Variants in DSP observed in about 807,000 individuals in gnomAD.
The protein encoded by DSP is desmoplakin.
DSP carries 114 observed loss-of-function variants against 290.6 expected under a neutral mutation model. That is an observed-to-expected ratio of 0.39 (90% CI 0.34 to 0.46). The LOEUF is 0.46. Ranked by LOEUF, DSP falls within the 20% of genes least tolerant of loss-of-function variation. The pLI, the probability that DSP is intolerant of heterozygous loss-of-function variation, is 0.99. For missense variants in DSP, 3,230 were observed against 3,495.8 expected (o/e 0.92, Z 1.92); for synonymous variants, 1,311 against 1,316.4 (o/e 1.00, Z 0.09).
Position 7,565,309 on chromosome 6 carries a change from C to G in DSP, c.778-50C>G. 1 of 1,597,466 alleles carries G rather than the reference C, an allele frequency of 6.3e-7. No homozygotes were observed. Among genetic ancestry groups the G allele is most frequent in the Non-Finnish European group, 8.6e-7 (1 of 1,166,466 alleles). On this transcript the variant is annotated intron_variant, in intron 6 of 23. Transcript: ENST00000379802. The surrounding 1 kb of genome is among the most constrained non-coding windows in gnomAD (Gnocchi z 4.2). Reference sequence around the variant, plus strand: ...TAATCTTTAAACCTGCAGAGAACACCAGTCACTGCATATTGTTATTTTAAT... The same window carrying G: ...TAATCTTTAAACCTGCAGAGAACACGAGTCACTGCATATTGTTATTTTAAT...
chr6:7,572,714 A>G (rs1759092397), intron 15 of DSP, among the ~76,000 whole-genome samples: 1 of 152,220 alleles, frequency 6.6e-6, no homozygotes, highest in South Asian at 2.1e-4. Context: ...TGTGATCAGT[A>G]TGCCAAAATT....
At chr6:7,562,610 G>A (rs1002592589) in intron 4 of DSP, 42 bp from the exon 5 acceptor site, 5 of 1,612,828 alleles carry the variant, frequency 3.1e-6, no homozygotes, top group Admixed American at 1.7e-5. Flanking sequence ...AGGTGCAAAG[G>A]GGCAACAACA....
chr6:7,541,686 C>T lies in DSP; in HGVS notation c.-230C>T. The T allele has an allele frequency of 7.0e-6, 4 of 571,572 alleles. No homozygotes were observed. The allele number at this position is 571,572 out of a possible 1,614,324, so 35.4% of individuals were successfully genotyped here. A position where few individuals can be genotyped will look rare whatever the true frequency, so the allele number is the denominator to read the frequency against. ...CGACGCAGCTCCTCTGCGCCCTTGCCGCCCTCCGAGCCACAGCTTTCCTCC... is the reference window on the plus strand; with the variant it reads ...CGACGCAGCTCCTCTGCGCCCTTGCTGCCCTCCGAGCCACAGCTTTCCTCC... On this transcript the variant is annotated 5_prime_UTR_variant, in exon 1 of 24. Transcript: ENST00000379802.
chr6:7,563,197 C>T (rs892104243), intron 5 of DSP, among the ~76,000 whole-genome samples: 2 of 152,100 alleles, frequency 1.3e-5, no homozygotes, highest in African/African-American at 4.8e-5. Context: ...TCCCGACACC[C>T]GCTCCCATGC....
At chr6:7,542,235 A>G in intron 1 of DSP, 150 bp downstream of exon 1, 1 of 1,096,540 alleles carries the variant, frequency 9.1e-7, no homozygotes. Flanking sequence ...CGCTGGGAGC[A>G]GGACCGGGTG....
chr6:7,557,181 G>T lies in DSP; in HGVS notation c.274-935G>T, dbSNP rs546897958. The stretch of plus-strand genomic sequence containing the variant: ...ACTGAAGCAGAGGAGGAAGCTTTCT[G>T]TTTTTGTTTTTCTGAATACAAAAGC... On this transcript the variant is annotated intron_variant, in intron 2 of 23. Coordinates refer to ENST00000379802, the MANE Select transcript of DSP (RefSeq NM_004415.4). 1.9e-3 allele frequency among the ~76,000 whole-genome samples: 290 copies of T among 152,324 alleles called. 1 individual carries two copies. The highest frequency in any genetic ancestry group is 6.4e-3 in the African/African-American group (268 of 41,582).
At chr6:7,570,661 T>G in intron 13 of DSP, 98 bp downstream of exon 13, 1 of 1,559,292 alleles carries the variant, frequency 6.4e-7, no homozygotes, top group Non-Finnish European at 8.7e-7. Flanking sequence ...TGTGTAGCAG[T>G]GCTTTTGTGT....
chr6:7,586,355 G>A lies in DSP; in HGVS notation c.*477G>A, dbSNP rs1356632899. On this transcript the variant is annotated 3_prime_UTR_variant, in exon 24 of 24. Coordinates refer to ENST00000379802, the MANE Select transcript of DSP (RefSeq NM_004415.4). ...TCTCAAACCCCCAACCCAAAACCAA[G>A]CATTTTGGAATGAGTCTCCTTTAGT... 1 of 168,810 alleles carries A rather than the reference G, an allele frequency of 5.9e-6. No individual in the cohort carries two copies. Among genetic ancestry groups the A allele is most frequent in the African/African-American group, 2.4e-5 (1 of 41,382 alleles). The allele number at this position is 168,810 out of a possible 1,614,324, so 10.5% of individuals were successfully genotyped here. A position where few individuals can be genotyped will look rare whatever the true frequency, so the allele number is the denominator to read the frequency against.
chr6:7,580,176 G>T lies in DSP; in HGVS notation c.3986G>T (p.Arg1329Ile), dbSNP rs956637960. The part of the protein sequence containing the change: ...TIQDKNKEIE[R>I]LKAEFQEEAK... Reference sequence around the variant, plus strand: ...CAGGACAAAAATAAGGAGATCGAGAGACTCAAAGCTGAGTTTCAGGAGGAG... The same window carrying T: ...CAGGACAAAAATAAGGAGATCGAGATACTCAAAGCTGAGTTTCAGGAGGAG... The change falls in exon 23 of 24, where the codon AGA (arginine) becomes ATA (isoleucine). Residue 1329 changes from arginine to isoleucine, a missense_variant. By Grantham distance (97) the Arg-to-Ile change is moderately conservative (BLOSUM62 -3). Around this residue, in one of 5 missense-constraint regions of DSP, gnomAD observed 1,714 missense variants for 1,844.5 expected, o/e 0.93. Transcript: ENST00000379802. This position sits in a 1 kb window ranked among gnomAD's most constrained non-coding sequence, Gnocchi z 4.2. 6.2e-7 allele frequency: 1 copy of T among 1,613,934 alleles called. No homozygotes were observed. Among genetic ancestry groups the T allele is most frequent in the Non-Finnish European group, 8.5e-7 (1 of 1,180,008 alleles).
intron 20 of DSP, 112 bp downstream of exon 20, chr6:7,577,154 TG>T: frequency 3.8e-6 from 3 of 799,760 alleles, no homozygotes; most frequent in Non-Finnish European, 5.9e-6. Flanking sequence ...AATTACGGTC[TG>T]TATATATTCT....
Position 7,583,084 on chromosome 6 carries a change from A to C in DSP, c.5822A>C (p.Lys1941Thr), listed in dbSNP as rs143484124. Residue 1941 changes from lysine (K) to threonine (T), a missense_variant, in exon 24 of 24, where the codon AAA (lysine) becomes ACA (threonine). Lys to Thr is a moderately conservative substitution (Grantham distance 78). Transcript: ENST00000379802. The surrounding 1 kb of genome is among the most constrained non-coding windows in gnomAD (Gnocchi z 4.0). ...TCCCGATATCAGAGGGAGATTGATA[A>C]ACTCAGACAGCGCCCATATGGGTCC... The part of the protein sequence containing the change: ...ERSRYQREID[K>T]LRQRPYGSHR... The C allele has an allele frequency of 9.9e-6, 16 of 1,613,924 alleles. No homozygotes were observed. Among genetic ancestry groups the C allele is most frequent in the Non-Finnish European group, 1.4e-5 (16 of 1,180,030 alleles).
At position 7,541,806 on chromosome 6, in the gene DSP, C is replaced by T. The variant is rs1757980600; in HGVS notation, c.-110C>T. On this transcript the variant is annotated 5_prime_UTR_variant, in exon 1 of 24. Transcript: ENST00000379802. ...GCGACCTCGCGAGCCTTCCGCACTC[C>T]CGCCCGGTTCCCCGGCCGTCCGCCT... The T allele has an allele frequency of 7.1e-7, 1 of 1,407,012 alleles. No individual in the cohort carries two copies. Among genetic ancestry groups the T allele is most frequent in the Non-Finnish European group, 9.5e-7 (1 of 1,056,280 alleles). 87.2% of individuals were successfully genotyped at this position (1,407,012 alleles called of 1,614,324 possible).
chr6:7,574,346 C>T (rs1759162252), intron 16 of DSP, 94 bp downstream of exon 16: 2 of 1,306,288 alleles, frequency 1.5e-6, no homozygotes, highest in Non-Finnish European at 2.2e-6. Flanking sequence ...TACAGTTTCT[C>T]TGTTACTAGA....
chr6:7,578,023 T>C lies in DSP; in HGVS notation c.2985+137T>C, dbSNP rs1759299744. The C allele has an allele frequency of 4.1e-6, 3 of 733,736 alleles. No individual in the cohort carries two copies. The Admixed American group carries it at 6.2e-5, about 15-fold the overall frequency. The allele number at this position is 733,736 out of a possible 1,614,324, so 45.5% of individuals were successfully genotyped here. On this transcript the variant is annotated intron_variant, in intron 21 of 23. Transcript: ENST00000379802. ...TTGCTGATTTCATCCCATTACAGGGTACCACTTTAAGAGGTTTAATAGCAG... is the reference window on the plus strand; with the variant it reads ...TTGCTGATTTCATCCCATTACAGGGCACCACTTTAAGAGGTTTAATAGCAG...
chr6:7,578,654 A>C, intron 22 of DSP, 92 bp downstream of exon 22: 1 of 1,038,466 alleles, frequency 9.6e-7, no homozygotes. Context: ...ATTTGGACAC[A>C]TCCTGGTGAA....
intron 21 of DSP, among the ~76,000 whole-genome samples, chr6:7,578,247 A>G (rs1305876316): frequency 6.6e-6 from 1 of 152,208 alleles, no homozygotes; most frequent in African/African-American, 2.4e-5. Context: ...TACCTGTCAG[A>G]TGGTTTAGGG....
chr6:7,582,860 G>C lies in DSP; in HGVS notation c.5598G>C (p.Gln1866His), dbSNP rs747779195. The change falls in exon 24 of 24, where the codon CAG becomes CAC. Residue 1866 changes from glutamine (Q) to histidine (H), a missense_variant. By Grantham distance (24) the Gln-to-His change is conservative. Around this residue, in one of 5 missense-constraint regions of DSP, gnomAD observed 1,714 missense variants for 1,844.5 expected, o/e 0.93. Transcript: ENST00000379802. The surrounding 1 kb of genome is among the most constrained non-coding windows in gnomAD (Gnocchi z 4.2). Reference protein sequence around the residue: ...EKQQIQNDLNQWKTQYSRKEE... With the variant: ...EKQQIQNDLNHWKTQYSRKEE... ...AGCAAATTCAGAATGACCTGAATCA[G>C]TGGAAGACTCAATATTCCCGCAAGG... The C allele has an allele frequency of 6.2e-7, 1 of 1,614,128 alleles. No homozygotes were observed. The highest frequency in any genetic ancestry group is 1.7e-5 in the Admixed American group (1 of 60,020).
intron 17 of DSP, 119 bp from the exon 18 acceptor site, chr6:7,575,174 CTT>C (rs1759196594): frequency 1.0e-6 from 1 of 966,012 alleles, no homozygotes. Flanking sequence ...ACTGTTAACA[CTT>C]TAAATTATGA....
intron 1 of DSP, among the ~76,000 whole-genome samples, chr6:7,542,935 G>C (rs1281495965): frequency 6.6e-6 from 1 of 152,238 alleles, no homozygotes; most frequent in Non-Finnish European, 1.5e-5. Flanking sequence ...GTGTGGGCAG[G>C]GGAGTGGGGG....
Sources: gnomAD v4.1 joint callset for allele counts (sites outside exome capture counted in the v4.1 genomes callset) on GRCh38, gnomAD v4.1.1 for gene constraint, gnomAD v4.1.1 regional missense constraint, Gnocchi (gnomAD v3.1) non-coding constraint, MANE v1.5 for transcripts, NCBI Gene and HGNC (gene_info 2026-07-23, HGNC 2026-07-21) for gene names.